The following STK32C variants were observed in gnomAD, a reference collection of about 807,000 sequenced individuals.
STK32C encodes serine/threonine kinase 32C, also known as serine/threonine-protein kinase 32C.
Under a neutral mutation model 56.5 loss-of-function variants are expected in STK32C, and 31 were observed. That is an observed-to-expected ratio of 0.55 (90% confidence interval 0.41 to 0.74). The LOEUF (loss-of-function observed/expected upper bound fraction) is 0.74. Ranked by LOEUF, STK32C falls within the 30% of genes least tolerant of loss-of-function variation. The probability of loss-of-function intolerance (pLI) is 0.00; values close to 1 mark genes in which losing one functional copy is unlikely to be tolerated. For missense variants in STK32C, 544 were observed against 676.9 expected (o/e 0.80, Z 2.18); for synonymous variants, 309 against 289.4 (o/e 1.07, Z -0.69).
intron 1 of STK32C, among the ~76,000 whole-genome samples, chr10:132,316,581 T>C (rs552579244): frequency 3.3e-5 from 5 of 152,310 alleles, no homozygotes; most frequent in African/African-American, 9.6e-5. Context: ...GTCGTACCAC[T>C]GCACTCCAGC....
intron 1 of STK32C, among the ~76,000 whole-genome samples, chr10:132,315,335 G>A (rs906349259): frequency 1.3e-5 from 2 of 151,912 alleles, no homozygotes; most frequent in African/African-American, 4.8e-5. Flanking sequence ...GGGGCAAGGG[G>A]AGGGACAGCA....
intron 1 of STK32C, among the ~76,000 whole-genome samples, chr10:132,317,376 T>G (rs2138446661): frequency 6.6e-6 from 1 of 152,300 alleles, no homozygotes; most frequent in Non-Finnish European, 1.5e-5. Context: ...AGGCATAAAA[T>G]TCATTCATTG....
chr10:132,223,611 C>G (rs1016305265), intron 8 of STK32C, among the ~76,000 whole-genome samples: 2 of 152,240 alleles, frequency 1.3e-5, no homozygotes, highest in Admixed American at 1.3e-4. Flanking sequence ...CGTGGGGCTA[C>G]AGCAGAGTTA....
chr10:132,311,363 T>A (rs2066217226), upstream of STK32C, among the ~76,000 whole-genome samples: 1 of 152,230 alleles, frequency 6.6e-6, no homozygotes, highest in African/African-American at 2.4e-5. This position sits in a 1 kb window ranked among gnomAD's most constrained non-coding sequence, Gnocchi z 4.4. Flanking sequence ...GGTGTCCACC[T>A]ATGTGGAGAA....
intron 10 of STK32C, among the ~76,000 whole-genome samples, chr10:132,212,220 T>C (rs2062327267): frequency 6.6e-6 from 1 of 152,188 alleles, no homozygotes. Context: ...GCTACAGTTA[T>C]CAAGATGGTG....
chr10:132,269,292 G>T (rs2064735601), intron 1 of STK32C, among the ~76,000 whole-genome samples: 2 of 152,350 alleles, frequency 1.3e-5, no homozygotes, highest in South Asian at 2.1e-4. Flanking sequence ...GCTGCACAGG[G>T]TCTCTTCAAG....
intron 1 of STK32C, chr10:132,330,516 A>G: frequency 1.4e-6 from 1 of 716,626 alleles, no homozygotes; most frequent in Non-Finnish European, 2.6e-6. Context: ...TATGTACGAA[A>G]ACTTTTTTTT....
At chr10:132,329,036 A>G (rs1165031564) in intron 1 of STK32C, among the ~76,000 whole-genome samples, 3 of 152,288 alleles carry the variant, frequency 2.0e-5, no homozygotes, top group South Asian at 2.1e-4. Flanking sequence ...AAGAAGACAG[A>G]TAACAGTATC....
chr10:132,226,251 A>G (rs1042616739), intron 4 of STK32C, among the ~76,000 whole-genome samples: 1 of 152,196 alleles, frequency 6.6e-6, no homozygotes, highest in African/African-American at 2.4e-5. Context: ...TCGACTTTAA[A>G]ATATACCTCA....
At chr10:132,232,915 G>A (rs1272233675) in intron 2 of STK32C, among the ~76,000 whole-genome samples, 2 of 152,208 alleles carry the variant, frequency 1.3e-5, no homozygotes, top group African/African-American at 4.8e-5. Flanking sequence ...TTATGCATTT[G>A]GCAGATTTAA....
intron 1 of STK32C, among the ~76,000 whole-genome samples, chr10:132,282,085 G>T (rs924792849): frequency 6.6e-6 from 1 of 152,250 alleles, no homozygotes; most frequent in Non-Finnish European, 1.5e-5. Context: ...CGCTCCGGGG[G>T]TGGGGGCGAC....
At position 132,226,802 on chromosome 10, in the gene STK32C, T is replaced by G. The variant is rs764620015; in HGVS notation, c.637A>C (p.Ile213Leu). 3.7e-6 allele frequency: 6 copies of G among 1,612,778 alleles called. No individual in the cohort carries two copies. The highest frequency in any genetic ancestry group is 5.1e-6 in the Non-Finnish European group (6 of 1,179,976). Residue 213 changes from isoleucine to leucine, a missense_variant, in exon 4 of 12, where the codon ATC (isoleucine) becomes CTC (leucine). Ile to Leu is a conservative substitution (Grantham distance 5, BLOSUM62 2). Transcript: ENST00000298630. ...CGTCTGCCACGCACACACCTGTGGA[T>G]GATGTGCTGGCCGCGCAGGTAGTCC... is the stretch of plus-strand genomic sequence containing the variant. ...ALDYLRGQHI[I>L]HRDVKPDNIL... is the part of the protein sequence containing the mutation.
At chr10:132,225,503 T>C (rs769176245) in intron 6 of STK32C, 24 bp downstream of exon 6, 18 of 1,613,498 alleles carry the variant, frequency 1.1e-5, no homozygotes, top group Non-Finnish European at 1.5e-5. Flanking sequence ...CCAGCTCCCA[T>C]CTGGAACCCC....
chr10:132,249,036 AGCCTCCCGACTGTGCGAC>A, intron 1 of STK32C: 1 of 475,158 alleles, frequency 2.1e-6, no homozygotes, highest in Non-Finnish European at 4.2e-6. Flanking sequence ...ACACCTGCAA[AGCCTCCCGACTGTGCGAC>A]GGAGGCGGCG....
At chr10:132,211,975 A>C (rs2062318045) in intron 10 of STK32C, among the ~76,000 whole-genome samples, 1 of 152,092 alleles carries the variant, frequency 6.6e-6, no homozygotes, top group African/African-American at 2.4e-5. Context: ...TGGCACCTTC[A>C]CACATGCTGA....
rs1184098385 is a variant in STK32C at position 132,279,604 on chromosome 10, C to T, written c.262+27968G>A. Among the ~76,000 whole-genome samples, 7 of 151,814 alleles carry T rather than the reference C, an allele frequency of 4.6e-5. No individual in the cohort carries two copies. The South Asian group carries it at 1.0e-3, about 22-fold the overall frequency. On this transcript the variant is annotated intron_variant, in intron 1 of 11. Transcript: ENST00000298630. ...CATGCCCACCCGCACTCCATGTTCA[C>T]GCCCCTGCACTCTGTAATCATGCCA...
exon 2 of STK32C, chr10:132,324,215 G>T (rs778129178): frequency 2.6e-6 from 2 of 779,488 alleles, no homozygotes; most frequent in South Asian, 2.7e-5. Flanking sequence ...GCTCATCTGA[G>T]AAATTCATTA....
chr10:132,258,692 G>A (rs770778238), intron 1 of STK32C, among the ~76,000 whole-genome samples: 1 of 152,240 alleles, frequency 6.6e-6, no homozygotes, highest in South Asian at 2.1e-4. Context: ...CGCTGACGCT[G>A]TGAGGGCCAG....
At chr10:132,310,334 G>A (rs2066196806), upstream of STK32C, among the ~76,000 whole-genome samples, 1 of 152,230 alleles carries the variant, frequency 6.6e-6, no homozygotes, top group African/African-American at 2.4e-5. The surrounding 1 kb of genome is among the most constrained non-coding windows in gnomAD (Gnocchi z 4.6). Context: ...CAGCCCTGGA[G>A]GGGCCTGTGG....
Sources: gnomAD v4.1 joint callset for allele counts (sites outside exome capture counted in the v4.1 genomes callset) on GRCh38, gnomAD v4.1.1 for gene constraint, Gnocchi (gnomAD v3.1) non-coding constraint, MANE v1.5 for transcripts, NCBI Gene and HGNC (gene_info 2026-07-23, HGNC 2026-07-21) for gene names.